GSTCD: variants seen among roughly 807,000 people sequenced by gnomAD.
GSTCD encodes the protein glutathione S-transferase C-terminal domain-containing protein.
A neutral mutation model predicts 68.3 loss-of-function variants in GSTCD; 44 were observed. That is an observed-to-expected ratio of 0.64 (90% CI 0.51 to 0.83). The LOEUF (loss-of-function observed/expected upper bound fraction) is 0.83. Among genes scored for constraint, GSTCD ranks in the 40% least tolerant of loss-of-function variants. The probability of loss-of-function intolerance (pLI) is 0.00; values close to 1 mark genes in which losing one functional copy is unlikely to be tolerated. For missense variants in GSTCD, 739 were observed against 735.9 expected (o/e 1.00, Z -0.05); for synonymous variants, 273 against 255.2 (o/e 1.07, Z -0.67).
At chr4:105,835,393 C>A (rs142647506) in intron 9 of GSTCD, among the ~76,000 whole-genome samples, 1 of 152,288 alleles carries the variant, frequency 6.6e-6, no homozygotes, top group East Asian at 1.9e-4. Flanking sequence ...CTTCACACAG[C>A]CAGGCATGCT....
intron 5 of GSTCD, among the ~76,000 whole-genome samples, chr4:105,740,583 T>C (rs1733601795): frequency 1.3e-5 from 2 of 152,074 alleles, no homozygotes; most frequent in Admixed American, 1.3e-4. Context: ...GCATATGGAG[T>C]GCTAGGGGCT....
In GSTCD at chr4:105,845,880, A is replaced by G; in HGVS notation, c.*303A>G. The G allele has an allele frequency of 3.3e-6, 1 of 307,650 alleles. No homozygotes were observed. The highest frequency in any genetic ancestry group is 4.1e-5 in the Admixed American group (1 of 24,282). The allele number at this position is 307,650 out of a possible 1,614,324, so 19.1% of individuals were successfully genotyped here. A position where few individuals can be genotyped will look rare whatever the true frequency, so the allele number is the denominator to read the frequency against. On this transcript the variant is annotated 3_prime_UTR_variant, in exon 12 of 12. Coordinates refer to ENST00000515279, the MANE Select transcript of GSTCD (RefSeq NM_001370181.1). ...GGAATAACAATTTCCTTCTCACTTC[A>G]CAAGCTCCTCTGATCTTGCCAATGT...
intron 1 of GSTCD, among the ~76,000 whole-genome samples, chr4:105,710,232 ATTTTTT>A (rs761574598): frequency 0.015 from 1,248 of 85,704 alleles, 6 homozygotes; most frequent in Non-Finnish European, 0.018. Flanking sequence ...GGGCCCATCA[ATTTTTT>A]TTTTTTTTTT....
At chr4:105,775,080 G>C (rs1735001103) in intron 5 of GSTCD, among the ~76,000 whole-genome samples, 1 of 151,866 alleles carries the variant, frequency 6.6e-6, no homozygotes, top group Non-Finnish European at 1.5e-5. Flanking sequence ...CTCTAATCTT[G>C]TCTTCATGCT....
chr4:105,785,558 C>T (rs564540563), intron 5 of GSTCD, among the ~76,000 whole-genome samples: 2 of 152,056 alleles, frequency 1.3e-5, no homozygotes, highest in Non-Finnish European at 2.9e-5. Flanking sequence ...CTAATGCCTA[C>T]ATAAAAAAGG....
chr4:105,761,211 C>G (rs903359801), intron 5 of GSTCD: 4 of 174,288 alleles, frequency 2.3e-5, no homozygotes, highest in Admixed American at 6.3e-5. Flanking sequence ...ACCATATTGG[C>G]CAGGCTGGTC....
intron 5 of GSTCD, among the ~76,000 whole-genome samples, chr4:105,783,380 G>A (rs1255302613): frequency 6.6e-6 from 1 of 151,996 alleles, no homozygotes; most frequent in Non-Finnish European, 1.5e-5. Context: ...ATACATTCTT[G>A]GTAAAATTCA....
At chr4:105,826,958 T>A (rs764924337) in intron 8 of GSTCD, among the ~76,000 whole-genome samples, 2 of 152,060 alleles carry the variant, frequency 1.3e-5, no homozygotes, top group Non-Finnish European at 2.9e-5. Context: ...AATTTGGGGG[T>A]TTATTGTAAT....
chr4:105,751,359 CAGA>C (rs1441469462), intron 5 of GSTCD, among the ~76,000 whole-genome samples: 1 of 151,904 alleles, frequency 6.6e-6, no homozygotes, highest in African/African-American at 2.4e-5. Context: ...TTTTTTCAAA[CAGA>C]AGAATTGGGG....
At chr4:105,741,226 T>G (rs1435076155) in intron 5 of GSTCD, among the ~76,000 whole-genome samples, 1 of 152,156 alleles carries the variant, frequency 6.6e-6, no homozygotes, top group African/African-American at 2.4e-5. Context: ...AATTTAGAAT[T>G]CTCTCAGTAT....
At chr4:105,821,962 A>C (rs1490089778) in intron 5 of GSTCD, among the ~76,000 whole-genome samples, 1 of 151,892 alleles carries the variant, frequency 6.6e-6, no homozygotes, top group Non-Finnish European at 1.5e-5. Flanking sequence ...AACAGAAAAG[A>C]GAAGAAAAGA....
chr4:105,778,164 A>G (rs1450420776), intron 5 of GSTCD, among the ~76,000 whole-genome samples: 2 of 152,182 alleles, frequency 1.3e-5, no homozygotes, highest in Admixed American at 6.5e-5. Flanking sequence ...AGTGTCAGCT[A>G]AGCTTTACAT....
Position 105,791,208 on chromosome 4 carries a change from A to G in GSTCD, c.1241-31746A>G, listed in dbSNP as rs192033037. On this transcript the variant is annotated intron_variant, in intron 5 of 11. Transcript: ENST00000515279. ...GAAGATCGAGACCATTCTGGCTAACACAGTGAAACCCCGTCTCTACTAAAA... is the reference window on the plus strand; with the variant it reads ...GAAGATCGAGACCATTCTGGCTAACGCAGTGAAACCCCGTCTCTACTAAAA... Among the ~76,000 whole-genome samples, 587 of 152,000 alleles carry G rather than the reference A, an allele frequency of 3.9e-3. 6 individuals carry two copies. Among genetic ancestry groups the G allele is most frequent in the African/African-American group, 0.013 (558 of 41,340 alleles).
At chr4:105,715,598 A>G (rs1224769162) in intron 1 of GSTCD, among the ~76,000 whole-genome samples, 1 of 151,946 alleles carries the variant, frequency 6.6e-6, no homozygotes, top group Non-Finnish European at 1.5e-5. Flanking sequence ...TTTATTTTTT[A>G]TAATGGATTA....
intron 5 of GSTCD, among the ~76,000 whole-genome samples, chr4:105,744,704 A>C (rs991939323): frequency 6.6e-6 from 1 of 152,196 alleles, no homozygotes; most frequent in Admixed American, 6.5e-5. Context: ...ACAACATATT[A>C]CAGGCTTATC....
chr4:105,777,386 T>C (rs1321234259), intron 5 of GSTCD, among the ~76,000 whole-genome samples: 1 of 152,202 alleles, frequency 6.6e-6, no homozygotes, highest in Non-Finnish European at 1.5e-5. Context: ...CTCATGTACG[T>C]CCTCAGAATT....
chr4:105,796,175 G>A (rs960324300), intron 5 of GSTCD, among the ~76,000 whole-genome samples: 1 of 152,216 alleles, frequency 6.6e-6, no homozygotes, highest in South Asian at 2.1e-4. Context: ...AGAGCAAGTC[G>A]TGTCTTACAT....
At chr4:105,767,793 C>G (rs1734677045) in intron 5 of GSTCD, among the ~76,000 whole-genome samples, 3 of 152,112 alleles carry the variant, frequency 2.0e-5, no homozygotes, top group Non-Finnish European at 4.4e-5. Flanking sequence ...CTGACTGGTT[C>G]CCTTACAATT....
At chr4:105,743,036 G>A (rs1251316552) in intron 5 of GSTCD, among the ~76,000 whole-genome samples, 17 of 150,472 alleles carry the variant, frequency 1.1e-4, no homozygotes, top group South Asian at 4.2e-4. Flanking sequence ...TGCAAGCGCC[G>A]CCTCCCGGTT....
Sources: gnomAD v4.1 joint callset for allele counts (sites outside exome capture counted in the v4.1 genomes callset) on GRCh38, gnomAD v4.1.1 for gene constraint, MANE v1.5 for transcripts, NCBI Gene and HGNC (gene_info 2026-07-23, HGNC 2026-07-21) for gene names.